The following TCF7L2 variants were observed in gnomAD, a reference collection of about 807,000 sequenced individuals.
TCF7L2 encodes transcription factor 7 like 2.
A neutral mutation model predicts 77.9 loss-of-function variants in TCF7L2; 23 were observed. The ratio of observed to expected loss-of-function variants is 0.30; its 90% CI spans 0.21 to 0.42. The LOEUF is 0.42. Ranked by LOEUF, TCF7L2 falls within the 10% of genes least tolerant of loss-of-function variation. The pLI, the probability that TCF7L2 is intolerant of heterozygous loss-of-function variation, is 1.00. For synonymous variants in TCF7L2, 413 were observed against 340.2 expected (o/e 1.21, Z -2.36); for missense variants, 654 against 793.1 (o/e 0.82, Z 2.11).
At chr10:113,065,792 A>G (rs1215685950) in intron 5 of TCF7L2, among the ~76,000 whole-genome samples, 1 of 152,172 alleles carries the variant, frequency 6.6e-6, no homozygotes, top group Non-Finnish European at 1.5e-5. Flanking sequence ...GTTAGGAAAA[A>G]GATGTTGTGA....
intron 13 of TCF7L2, among the ~76,000 whole-genome samples, chr10:113,163,020 A>C (rs1353117491): frequency 5.3e-5 from 8 of 151,798 alleles, no homozygotes; most frequent in Admixed American, 3.9e-4. Context: ...AAAAAAAAAA[A>C]AAAAGGAAAA....
chr10:113,163,466 G>A (rs1171754064), intron 13 of TCF7L2, among the ~76,000 whole-genome samples: 1 of 151,512 alleles, frequency 6.6e-6, no homozygotes, highest in Admixed American at 6.6e-5. Flanking sequence ...GTTTTTCTCT[G>A]TTGCTTTCTC....
At chr10:112,951,893 A>AC (rs147156828) in intron 3 of TCF7L2, 1 of 142,856 alleles carries the variant, frequency 7.0e-6, no homozygotes, top group Admixed American at 6.9e-5. Flanking sequence ...GTTGGTGGGG[A>AC]GGGGGGGGAA....
chr10:112,991,774 G>C (rs2042593856), intron 4 of TCF7L2, among the ~76,000 whole-genome samples: 1 of 152,110 alleles, frequency 6.6e-6, no homozygotes, highest in Non-Finnish European at 1.5e-5. Context: ...GTGCTTTTTG[G>C]GGAGGGAGCC....
intron 4 of TCF7L2, among the ~76,000 whole-genome samples, chr10:112,995,477 CGGT>C (rs1279719140): frequency 6.6e-6 from 1 of 152,072 alleles, no homozygotes; most frequent in Non-Finnish European, 1.5e-5. Flanking sequence ...CCTTGGACAC[CGGT>C]GGTGCAGCGG....
At chr10:113,063,893 CGT>C (rs34087825) in intron 5 of TCF7L2, among the ~76,000 whole-genome samples, 19,280 of 147,020 alleles carry the variant, frequency 0.13, 1,328 homozygotes, top group African/African-American at 0.18. Flanking sequence ...ATGGATGTGG[CGT>C]GTGTGTGTGT....
chr10:113,165,280 T>G (rs2073930394), intron 13 of TCF7L2, among the ~76,000 whole-genome samples: 1 of 152,138 alleles, frequency 6.6e-6, no homozygotes, highest in Non-Finnish European at 1.5e-5. Flanking sequence ...AATTTGGGCA[T>G]GGTGGGGCAT....
intron 1 of TCF7L2, 77 bp downstream of exon 1, chr10:112,951,022 A>G: frequency 6.6e-7 from 1 of 1,512,242 alleles, no homozygotes; most frequent in South Asian, 1.2e-5. Context: ...AAGGGGAGAA[A>G]TCGGGGCTGG....
chr10:112,996,282 A>G lies in TCF7L2; in HGVS notation c.450+31658A>G, dbSNP rs4506565. 3.9e-5 allele frequency among the ~76,000 whole-genome samples: 6 copies of G among 152,110 alleles called. No individual in the cohort carries two copies. In the East Asian group the frequency reaches 7.7e-4, roughly 20 times the overall value. ...TCTCGGATATGGCGACCGAAGTGAT[A>G]TGGGGCCCTTGTCAAGGGTCTCTAT... On this transcript the variant is annotated intron_variant, in intron 4 of 13. Transcript: ENST00000627217.
chr10:113,002,678 G>A (rs1428521931), intron 4 of TCF7L2, among the ~76,000 whole-genome samples: 1 of 152,172 alleles, frequency 6.6e-6, no homozygotes, highest in African/African-American at 2.4e-5. Context: ...AGGCAAGATG[G>A]AAAATAGCCC....
chr10:113,016,078 T>A (rs76587787), intron 4 of TCF7L2, among the ~76,000 whole-genome samples: 1 of 144,734 alleles, frequency 6.9e-6, no homozygotes, highest in African/African-American at 2.7e-5. Context: ...TTTTTTTTTT[T>A]AATTGAGACG....
intron 4 of TCF7L2, among the ~76,000 whole-genome samples, chr10:113,025,531 G>GC (rs1168945836): frequency 6.6e-6 from 1 of 151,976 alleles, no homozygotes; most frequent in Non-Finnish European, 1.5e-5. Flanking sequence ...GAGCCACCGT[G>GC]CCCAGCCTTG....
intron 5 of TCF7L2, among the ~76,000 whole-genome samples, chr10:113,104,372 T>G (rs1028560036): frequency 1.3e-5 from 2 of 152,220 alleles, no homozygotes; most frequent in Non-Finnish European, 1.5e-5. Context: ...ATGCTATTCT[T>G]CTCATAGCCA....
chr10:113,040,693 G>A (rs530179052), intron 5 of TCF7L2, among the ~76,000 whole-genome samples: 2 of 152,330 alleles, frequency 1.3e-5, no homozygotes, highest in South Asian at 4.1e-4. Flanking sequence ...TTGAAAGTAT[G>A]TAGGTTTGAT....
intron 5 of TCF7L2, among the ~76,000 whole-genome samples, chr10:113,048,179 G>T (rs1030719889): frequency 6.6e-5 from 10 of 152,246 alleles, no homozygotes; most frequent in Middle Eastern, 3.4e-3. Context: ...TTTACGAAGC[G>T]TGGGAGCCTG....
intron 4 of TCF7L2, among the ~76,000 whole-genome samples, chr10:112,969,800 T>C (rs2037834296): frequency 6.6e-6 from 1 of 152,178 alleles, no homozygotes; most frequent in African/African-American, 2.4e-5. Context: ...ATTCCAGAGG[T>C]GGACCCACAT....
chr10:113,125,464 A>G (rs963883859), intron 5 of TCF7L2: 16 of 150,568 alleles, frequency 1.1e-4, no homozygotes, highest in African/African-American at 3.6e-4. Context: ...GAGACACCTT[A>G]AGATGATGAT....
At chr10:112,984,932 G>T (rs1564745106) in intron 4 of TCF7L2, among the ~76,000 whole-genome samples, 1 of 152,144 alleles carries the variant, frequency 6.6e-6, no homozygotes, top group Non-Finnish European at 1.5e-5. Context: ...TGGATAAAAC[G>T]CTTTGGCACT....
At chr10:113,159,617 G>A (rs1180542252) in intron 12 of TCF7L2, among the ~76,000 whole-genome samples, 4 of 151,656 alleles carry the variant, frequency 2.6e-5, no homozygotes, top group Non-Finnish European at 5.9e-5. Flanking sequence ...TTGTCAGCTC[G>A]AACCAAATCT....
Sources: gnomAD v4.1 joint callset for allele counts (sites outside exome capture counted in the v4.1 genomes callset) on GRCh38, gnomAD v4.1.1 for gene constraint, MANE v1.5 for transcripts, NCBI Gene and HGNC (gene_info 2026-07-23, HGNC 2026-07-21) for gene names.